Variants in CACYBP observed in about 807,000 individuals in gnomAD.
CACYBP encodes the protein calcyclin-binding protein.
Under a neutral mutation model 29.6 loss-of-function variants are expected in CACYBP, and 11 were observed. The ratio of observed to expected loss-of-function variants is 0.37; its 90% confidence interval spans 0.23 to 0.61. The LOEUF (loss-of-function observed/expected upper bound fraction) is 0.61. CACYBP is among the 20% of genes least tolerant of loss of function. The pLI is 0.65. For missense variants in CACYBP, 163 were observed against 260.7 expected (o/e 0.63, Z 2.58); for synonymous variants, 73 against 88.3 (o/e 0.83, Z 0.97).
intron 1 of CACYBP, among the ~76,000 whole-genome samples, chr1:175,002,938 T>C (rs141940731): frequency 3.9e-5 from 6 of 152,326 alleles, no homozygotes; most frequent in African/African-American, 1.4e-4. Flanking sequence ...AATATTTTTA[T>C]TATGAATTAG....
At chr1:175,000,666 T>TC (rs1672454606) in intron 1 of CACYBP, 2 of 954,800 alleles carry the variant, frequency 2.1e-6, no homozygotes, top group Admixed American at 1.2e-4. Flanking sequence ...GGAGCTGTGT[T>TC]ACTCTGGGCA....
In CACYBP at chr1:175,000,061, G is replaced by T; in HGVS notation, c.-120G>T. 7.2e-7 allele frequency: 1 copy of T among 1,386,208 alleles called. No homozygotes were observed. Among genetic ancestry groups the T allele is most frequent in the Non-Finnish European group, 1.0e-6 (1 of 999,712 alleles). The allele number at this position is 1,386,208 out of a possible 1,614,324, so 85.9% of individuals were successfully genotyped here. A position where few individuals can be genotyped will look rare whatever the true frequency, so the allele number is the denominator to read the frequency against. ...TTGCGCAGGGTCGGTGTGGGCGCAG[G>T]CTGCAGCGCCGCGACTCGTGCGGGT... On this transcript the variant is annotated 5_prime_UTR_variant, in exon 1 of 6. Coordinates refer to ENST00000367679, the MANE Select transcript of CACYBP (RefSeq NM_014412.3).
intron 1 of CACYBP, among the ~76,000 whole-genome samples, chr1:175,002,099 A>C (rs2149409864): frequency 6.6e-6 from 1 of 152,202 alleles, no homozygotes; most frequent in South Asian, 2.1e-4. Flanking sequence ...ACTGTATCCA[A>C]GTTTTTTGTG....
At chr1:175,006,508 C>A (rs1199119912) in intron 2 of CACYBP, 3 of 322,320 alleles carry the variant, frequency 9.3e-6, no homozygotes, top group Non-Finnish European at 1.7e-5. Flanking sequence ...TATTCAGAAA[C>A]CTGGATTTGA....
rs1466299419 is a variant in CACYBP at position 175,000,050 on chromosome 1, T to A, written c.-131T>A. ...GGGCCGCGATCTTGCGCAGGGTCGG[T>A]GTGGGCGCAGGCTGCAGCGCCGCGA... On this transcript the variant is annotated 5_prime_UTR_variant, in exon 1 of 6. Coordinates refer to ENST00000367679, the MANE Select transcript of CACYBP (RefSeq NM_014412.3). 1.9e-5 allele frequency: 25 copies of A among 1,296,662 alleles called. No homozygotes were observed. The Admixed American group carries it at 3.4e-4, about 18-fold the overall frequency. 80.3% of individuals were successfully genotyped at this position (1,296,662 alleles called of 1,614,324 possible).
intron 1 of CACYBP, 35 bp downstream of exon 1, chr1:175,000,230 C>A: frequency 6.3e-7 from 1 of 1,588,196 alleles, no homozygotes. Flanking sequence ...TTATGCCCCC[C>A]GGCTGGAGCT....
At chr1:175,005,306 C>CG (rs1330454792) in intron 2 of CACYBP, among the ~76,000 whole-genome samples, 1 of 151,892 alleles carries the variant, frequency 6.6e-6, no homozygotes, top group African/African-American at 2.4e-5. Flanking sequence ...GGGACATTGA[C>CG]GTATAACTCG....
intron 1 of CACYBP, among the ~76,000 whole-genome samples, chr1:175,002,922 C>T (rs1302196462): frequency 6.6e-6 from 1 of 152,134 alleles, no homozygotes; most frequent in Non-Finnish European, 1.5e-5. Context: ...TTTCATTTTA[C>T]ATTTCAATAT....
At position 175,006,825 on chromosome 1, in the gene CACYBP, G is replaced by T. The variant is rs775719446; in HGVS notation, c.316G>T (p.Val106Leu). ...TCAAGTTCCCACTGAGAATGTGCAG[G>T]TGCATTTCACAGAGAGGTGAGTTCT... ...VHQVPTENVQ[V>L]HFTERSFDLL... Residue 106 changes from valine to leucine, a missense_variant, in exon 3 of 6, where the codon GTG becomes TTG. Transcript: ENST00000367679. 4 of 1,574,404 alleles carry T rather than the reference G, an allele frequency of 2.5e-6. No individual in the cohort carries two copies. The South Asian group carries it at 3.3e-5, about 13-fold the overall frequency.
Position 174,999,949 on chromosome 1 carries a change from C to T in CACYBP, c.-232C>T, listed in dbSNP as rs112052593. The T allele has an allele frequency of 1.8e-4, 107 of 588,706 alleles. 1 individual carries two copies. The highest frequency in any genetic ancestry group is 1.4e-3 in the Middle Eastern group (3 of 2,194). 36.5% of individuals were successfully genotyped at this position (588,706 alleles called of 1,614,324 possible). A position where few individuals can be genotyped will look rare whatever the true frequency, so the allele number is the denominator to read the frequency against. ...GAAGGGTGGGTGGAGCCAGGCTTGG[C>T]GGGCTGTGCGTGCTCGCGGTGGGCG... On this transcript the variant is annotated 5_prime_UTR_variant, in exon 1 of 6. Transcript: ENST00000367679.
upstream of CACYBP, chr1:174,999,640 C>G (rs1003063852): frequency 1.3e-5 from 3 of 226,364 alleles, no homozygotes; most frequent in African/African-American, 4.8e-5. Context: ...CTAGAGCGGA[C>G]GAAAGCAGGT....
chr1:174,999,828 G>T, upstream of CACYBP: 1 of 440,638 alleles, frequency 2.3e-6, no homozygotes, highest in Non-Finnish European at 4.1e-6. Context: ...TTGCCGGTTC[G>T]CTCGCGAGAC....
intron 1 of CACYBP, among the ~76,000 whole-genome samples, chr1:175,002,360 T>C (rs951619604): frequency 1.3e-5 from 2 of 152,216 alleles, no homozygotes; most frequent in African/African-American, 2.4e-5. Flanking sequence ...GAATTTGATA[T>C]GCGTTTACCC....
chr1:175,003,068 G>A (rs1452744005), intron 1 of CACYBP, among the ~76,000 whole-genome samples: 2 of 151,530 alleles, frequency 1.3e-5, no homozygotes, highest in Admixed American at 1.3e-4. Context: ...AGTAATATGA[G>A]CTGTTCTTGG....
In CACYBP at chr1:175,001,609, A is replaced by G. The variant is rs569688514; in HGVS notation, c.15+1414A>G. Among the ~76,000 whole-genome samples, 102 of 152,326 alleles carry G rather than the reference A, an allele frequency of 6.7e-4. 1 individual carries two copies. The South Asian group carries it at 0.02, about 30-fold the overall frequency. On this transcript the variant is annotated intron_variant, in intron 1 of 5. Transcript: ENST00000367679. ...GGCCTTTTGTTTTTTGGCTCCTTCA[A>G]CTTAGCACTAACATTTTCAAGTTCA...
At chr1:175,000,284 C>T (rs1287277072) in intron 1 of CACYBP, 89 bp downstream of exon 1, 6 of 1,534,116 alleles carry the variant, frequency 3.9e-6, no homozygotes, top group Non-Finnish European at 4.4e-6. Flanking sequence ...GTGGGCTGAG[C>T]CGCCCTGCGG....
chr1:175,008,584 ATTTG>A (rs2149411938), intron 4 of CACYBP, 21 bp from the exon 5 acceptor site: 3 of 1,028,756 alleles, frequency 2.9e-6, no homozygotes. Context: ...TCTAAGCTGT[ATTTG>A]TTTTCCTGCT....
At chr1:175,006,902 G>T in intron 3 of CACYBP, 61 bp downstream of exon 3, 1 of 976,886 alleles carries the variant, frequency 1.0e-6, no homozygotes, top group South Asian at 1.4e-5. Context: ...CTTATCTTGA[G>T]ACTCTCTTCT....
intron 1 of CACYBP, chr1:175,000,652 A>G: frequency 9.9e-7 from 1 of 1,005,460 alleles, no homozygotes. Flanking sequence ...TTCTCTACAC[A>G]CGAGGAGCTG....
Sources: allele counts gnomAD v4.1 joint callset (sites outside exome capture counted in the v4.1 genomes callset), GRCh38; gene constraint gnomAD v4.1.1; transcripts MANE v1.5; gene names NCBI Gene and HGNC (gene_info 2026-07-23, HGNC 2026-07-21).